CASK: variants seen among roughly 807,000 people sequenced by gnomAD.
The protein encoded by CASK is peripheral plasma membrane protein CASK.
Under a neutral mutation model 82.9 loss-of-function variants are expected in CASK, and 4 were observed. That is an observed-to-expected ratio of 0.05 (90% CI 0.02 to 0.11). The LOEUF is 0.11. Among genes scored for constraint, CASK ranks in the 10% least tolerant of loss-of-function variants. The pLI is 1.00. For synonymous variants in CASK, 259 were observed against 253.5 expected (o/e 1.02, Z -0.20); for missense variants, 358 against 720.9 (o/e 0.50, Z 5.76).
intron 15 of CASK, among the ~76,000 whole-genome samples, chrX:41,575,676 C>T (rs751898889): frequency 8.9e-6 from 1 of 111,867 alleles, no homozygotes; most frequent in African/African-American, 3.2e-5. Flanking sequence ...TGCACAGTAA[C>T]ATAATGCTTT....
intron 1 of CASK, among the ~76,000 whole-genome samples, chrX:41,922,080 T>C (rs1191338112): frequency 9.0e-6 from 1 of 111,549 alleles, no homozygotes; most frequent in African/African-American, 3.3e-5. Flanking sequence ...TTGACAAGAA[T>C]GAAAAGGAAA....
At chrX:41,676,130 T>A (rs370670321) in intron 5 of CASK, 1 of 1,154,940 alleles carries the variant, frequency 8.7e-7, no homozygotes. Context: ...GTAATCTCCT[T>A]TCATTTTCAA....
chrX:41,749,492 T>A (rs1230812418), intron 3 of CASK, among the ~76,000 whole-genome samples: 1 of 97,825 alleles, frequency 1.0e-5, no homozygotes, highest in Non-Finnish European at 2.0e-5. Flanking sequence ...TTCAAGTGAG[T>A]CTCCTGCCTC....
rs192933545 is a variant in CASK, at chrX:41,675,790, G to A, written c.430-4260C>T. 97 of 1,201,269 alleles carry A rather than the reference G, an allele frequency of 8.1e-5. No individual in the cohort carries two copies. The East Asian group carries it at 2.4e-3, about 30-fold the overall frequency. The stretch of plus-strand genomic sequence containing the variant: ...CCCCTCCTTCTCCTGCTTCAGCTTC[G>A]TCTCCTTGGGTATCTGATGTCCACA... On this transcript the variant is annotated intron_variant, in intron 5 of 26. Coordinates refer to ENST00000378163, the MANE Select transcript of CASK (RefSeq NM_001367721.1).
chrX:41,573,863 G>A (rs1175425175), intron 15 of CASK, among the ~76,000 whole-genome samples: 1 of 111,579 alleles, frequency 9.0e-6, no homozygotes, highest in Admixed American at 9.6e-5. Flanking sequence ...GATCCATTAG[G>A]CAGGTCTGGA....
chrX:41,887,156 T>C (rs759289801), intron 1 of CASK, among the ~76,000 whole-genome samples: 1 of 110,697 alleles, frequency 9.0e-6, no homozygotes, highest in Non-Finnish European at 1.9e-5. Context: ...CAAAATACTA[T>C]ACAACCTTCA....
intron 12 of CASK, among the ~76,000 whole-genome samples, chrX:41,598,656 C>A (rs189027834): frequency 8.9e-6 from 1 of 112,006 alleles, no homozygotes; most frequent in Non-Finnish European, 1.9e-5. Context: ...GCCATGGCAC[C>A]CGGCTGGAAG....
At chrX:41,713,840 G>A (rs1456488781) in intron 5 of CASK, among the ~76,000 whole-genome samples, 1 of 111,468 alleles carries the variant, frequency 9.0e-6, no homozygotes. Flanking sequence ...AAATCGATGG[G>A]GTTAAAACAA....
intron 1 of CASK, among the ~76,000 whole-genome samples, chrX:41,874,581 G>C (rs1171775179): frequency 2.7e-5 from 3 of 111,921 alleles, no homozygotes; most frequent in African/African-American, 9.8e-5. Context: ...AGAATTTTAA[G>C]CATGTTTTAG....
rs2065760762 is a variant in CASK, at chrX:41,592,502, T to G, written c.1156-2910A>C. Among the ~76,000 whole-genome samples the G allele has an allele frequency of 2.7e-5, 3 of 111,427 alleles. No individual in the cohort carries two copies. The Admixed American group carries it at 2.9e-4, about 11-fold the overall frequency. ...GAGATAATTTTTGACCTGGTCTTACTATGTCATATACAGTTCCTTAGGTCT... is the reference window on the plus strand; with the variant it reads ...GAGATAATTTTTGACCTGGTCTTACGATGTCATATACAGTTCCTTAGGTCT... On this transcript the variant is annotated intron_variant, in intron 12 of 26. Transcript: ENST00000378163.
At chrX:41,841,873 G>A (rs1483288045) in intron 2 of CASK, among the ~76,000 whole-genome samples, 1 of 111,762 alleles carries the variant, frequency 8.9e-6, no homozygotes. Flanking sequence ...TTTAAATTAT[G>A]ATGAATCCCA....
At position 41,662,373 on chromosome X, in the gene CASK, A is replaced by G. The variant is rs1344100333; in HGVS notation, c.709-1812T>C. Among the ~76,000 whole-genome samples the G allele has an allele frequency of 2.7e-5, 3 of 111,650 alleles. No individual in the cohort carries two copies. In the Admixed American group the frequency reaches 2.9e-4, roughly 11 times the overall value. On this transcript the variant is annotated intron_variant, in intron 7 of 26. Transcript: ENST00000378163. ...TTTCTAATGTGGTCTCACATTTGCA[A>G]CTGCTGGAGGTAAAAAAAGAAAAAA...
intron 14 of CASK, among the ~76,000 whole-genome samples, chrX:41,578,848 A>G (rs2065522102): frequency 8.9e-6 from 1 of 112,258 alleles, no homozygotes; most frequent in African/African-American, 3.2e-5. Flanking sequence ...ATTCATCTAA[A>G]GAGAACATAA....
chrX:41,816,872 G>A (rs1363016975), intron 2 of CASK, among the ~76,000 whole-genome samples: 1 of 111,160 alleles, frequency 9.0e-6, no homozygotes, highest in African/African-American at 3.3e-5. Flanking sequence ...GTCCTTCAAA[G>A]AAAACTTCAG....
At chrX:41,876,055 G>A (rs1436597568) in intron 1 of CASK, among the ~76,000 whole-genome samples, 1 of 111,216 alleles carries the variant, frequency 9.0e-6, no homozygotes, top group Non-Finnish European at 1.9e-5. Flanking sequence ...AAGCATAAAA[G>A]GATTATCTGT....
At chrX:41,590,540 A>G (rs1431740579) in intron 12 of CASK, among the ~76,000 whole-genome samples, 1 of 108,629 alleles carries the variant, frequency 9.2e-6, no homozygotes, top group African/African-American at 3.3e-5. Context: ...AAAAAGAAAG[A>G]AACTAAATAT....
chrX:41,788,632 G>A (rs1173073401), intron 2 of CASK, among the ~76,000 whole-genome samples: 1 of 111,629 alleles, frequency 9.0e-6, no homozygotes, highest in Non-Finnish European at 1.9e-5. Context: ...AGAAAAAGAA[G>A]TCAGAAAATT....
At chrX:41,858,252 GCCATCA>G (rs1258763798) in intron 1 of CASK, among the ~76,000 whole-genome samples, 1 of 112,179 alleles carries the variant, frequency 8.9e-6, no homozygotes, top group Non-Finnish European at 1.9e-5. Flanking sequence ...CAGACTGAGA[GCCATCA>G]GTTTTCCACT....
intron 12 of CASK, among the ~76,000 whole-genome samples, chrX:41,601,204 A>G (rs1414664522): frequency 9.0e-6 from 1 of 111,415 alleles, no homozygotes; most frequent in East Asian, 2.8e-4. Context: ...CAATGTGAAT[A>G]TACTTAATGT....
Sources: gnomAD v4.1 joint callset for allele counts (sites outside exome capture counted in the v4.1 genomes callset) on GRCh38, gnomAD v4.1.1 for gene constraint, MANE v1.5 for transcripts, NCBI Gene and HGNC (gene_info 2026-07-23, HGNC 2026-07-21) for gene names.